Variants in SHLD1 observed in about 807,000 individuals in gnomAD.
The protein encoded by SHLD1 is shieldin complex subunit 1.
SHLD1 carries 3 observed loss-of-function variants against 5.5 expected under a neutral mutation model. The observed-to-expected ratio is 0.54, with a 90% confidence interval of 0.25 to 1.40. SHLD1 has a LOEUF of 1.40. Ranked by LOEUF, SHLD1 falls within the 40% of genes most tolerant of loss-of-function variation. The pLI is 0.15. For missense variants in SHLD1, 210 were observed against 244.4 expected (o/e 0.86, Z 0.94); for synonymous variants, 92 against 94.3 (o/e 0.98, Z 0.14).
chr20:5,760,617 C>T (rs576503950), intron 1 of SHLD1, among the ~76,000 whole-genome samples: 9 of 151,078 alleles, frequency 6.0e-5, no homozygotes, highest in South Asian at 2.1e-4. Context: ...TGCTTGAGCC[C>T]GGGAGGAGGA....
intron 2 of SHLD1, among the ~76,000 whole-genome samples, chr20:5,817,473 T>TATG (rs2087551252): frequency 6.9e-6 from 1 of 145,828 alleles, no homozygotes; most frequent in Non-Finnish European, 1.5e-5. Context: ...TGTGTGTGTG[T>TATG]TGGGATTACA....
intron 2 of SHLD1, among the ~76,000 whole-genome samples, chr20:5,797,236 C>T (rs1370963360): frequency 6.6e-6 from 1 of 152,086 alleles, no homozygotes; most frequent in Non-Finnish European, 1.5e-5. Flanking sequence ...GATTAGTATG[C>T]TTACATTTTA....
chr20:5,790,358 G>T (rs545375066), intron 2 of SHLD1, among the ~76,000 whole-genome samples: 90 of 151,724 alleles, frequency 5.9e-4, no homozygotes, highest in African/African-American at 2.1e-3. Flanking sequence ...AAACCAAACA[G>T]ATCAAAAACA....
intron 1 of SHLD1, among the ~76,000 whole-genome samples, chr20:5,767,154 A>C (rs1244176022): frequency 1.7e-5 from 2 of 118,864 alleles, no homozygotes; most frequent in Non-Finnish European, 3.8e-5. Context: ...TTTCTTTTTG[A>C]GACAGAGTCT....
intron 2 of SHLD1, among the ~76,000 whole-genome samples, chr20:5,781,821 T>C (rs1403830402): frequency 6.6e-6 from 1 of 152,168 alleles, no homozygotes; most frequent in Non-Finnish European, 1.5e-5. Context: ...ATCAAAAAGC[T>C]CCTCTGCCTT....
In SHLD1 at chr20:5,822,502, T is replaced by C. The variant is rs1568519851; in HGVS notation, c.179-40522T>C. On this transcript the variant is annotated intron_variant, in intron 2 of 2. Coordinates refer to ENST00000303142, the MANE Select transcript of SHLD1 (RefSeq NM_152504.4). ...AAAATAAATAAATGAATAAAGTGAG[T>C]GCTCAGAGCTGTGTTGCTTTGTTGT... Among the ~76,000 whole-genome samples, 7 of 146,924 alleles carry C rather than the reference T, an allele frequency of 4.8e-5. No individual in the cohort carries two copies. In the South Asian group the frequency reaches 1.6e-3, roughly 33 times the overall value.
chr20:5,754,002 C>T (rs751170809), intron 1 of SHLD1, among the ~76,000 whole-genome samples: 7 of 152,106 alleles, frequency 4.6e-5, no homozygotes, highest in Admixed American at 6.6e-5. Context: ...TGGGTATTAC[C>T]GCAGACAAAC....
intron 2 of SHLD1, among the ~76,000 whole-genome samples, chr20:5,779,972 GTTTTTTT>G (rs11381238): frequency 6.1e-5 from 5 of 81,786 alleles, no homozygotes; most frequent in African/African-American, 1.5e-4. Flanking sequence ...TACAATTTCT[GTTTTTTT>G]TTTTTTTTTT....
chr20:5,785,673 G>A (rs937822882), intron 2 of SHLD1, among the ~76,000 whole-genome samples: 2 of 151,738 alleles, frequency 1.3e-5, no homozygotes, highest in African/African-American at 4.8e-5. Context: ...GTACACGCCT[G>A]TAGTCTCAGC....
At chr20:5,862,308 G>T (rs186109986) in intron 2 of SHLD1, among the ~76,000 whole-genome samples, 1 of 152,366 alleles carries the variant, frequency 6.6e-6, no homozygotes, top group East Asian at 1.9e-4. Flanking sequence ...ACTTAAGAGT[G>T]TATGTCTGCT....
chr20:5,861,159 G>T (rs538754264), intron 2 of SHLD1, among the ~76,000 whole-genome samples: 3 of 152,198 alleles, frequency 2.0e-5, no homozygotes, highest in Non-Finnish European at 2.9e-5. Flanking sequence ...CTGGCCTTTT[G>T]TTCATCAACT....
intron 1 of SHLD1, among the ~76,000 whole-genome samples, chr20:5,750,880 C>A (rs1227255545): frequency 6.6e-6 from 1 of 152,084 alleles, no homozygotes; most frequent in African/African-American, 2.4e-5. Flanking sequence ...GCCTGTAGTT[C>A]CAGCTGCTCA....
chr20:5,797,948 TG>T (rs1262561559), intron 2 of SHLD1, among the ~76,000 whole-genome samples: 2 of 152,216 alleles, frequency 1.3e-5, no homozygotes, highest in Admixed American at 6.5e-5. Flanking sequence ...GGTTATCTCT[TG>T]CTGCCTAACT....
chr20:5,778,328 C>T (rs1171165995), intron 2 of SHLD1, among the ~76,000 whole-genome samples: 4 of 149,878 alleles, frequency 2.7e-5, no homozygotes, highest in Non-Finnish European at 5.9e-5. Context: ...GAGGTTTCAC[C>T]GTGTTAGCCA....
chr20:5,775,258 G>A (rs1985371662), intron 2 of SHLD1, among the ~76,000 whole-genome samples: 1 of 151,796 alleles, frequency 6.6e-6, no homozygotes, highest in African/African-American at 2.4e-5. Flanking sequence ...GCCCAGGCAA[G>A]TCTCGAACTC....
chr20:5,750,807 C>T (rs1983705583), intron 1 of SHLD1, among the ~76,000 whole-genome samples: 1 of 151,930 alleles, frequency 6.6e-6, no homozygotes, highest in Non-Finnish European at 1.5e-5. Flanking sequence ...TTCTATTCAC[C>T]TACTAAGTAA....
At chr20:5,793,821 C>A (rs1032947038) in intron 2 of SHLD1, among the ~76,000 whole-genome samples, 1 of 152,070 alleles carries the variant, frequency 6.6e-6, no homozygotes. Context: ...GATTCTCCTG[C>A]CTCATCCTCC....
At position 5,800,685 on chromosome 20, in the gene SHLD1, C is replaced by CA. The variant is rs11467458; in HGVS notation, c.178+27659dup. Reference sequence around the variant, plus strand: ...CCTGGGCAACAGACCGAGACTGTCTCAAAAAAAAAAAAAAAAAGAATTTAT... The same window carrying CA: ...CCTGGGCAACAGACCGAGACTGTCTCAAAAAAAAAAAAAAAAAAGAATTTAT... On this transcript the variant is annotated intron_variant, in intron 2 of 2. Transcript: ENST00000303142. 6.4e-3 allele frequency among the ~76,000 whole-genome samples: 964 copies of CA among 150,272 alleles called. 9 individuals carry two copies. The highest frequency in any genetic ancestry group is 0.022 in the African/African-American group (906 of 40,506).
In SHLD1 at chr20:5,781,509, G is replaced by A. The variant is rs375944356; in HGVS notation, c.178+8466G>A. Among the ~76,000 whole-genome samples, 11 of 152,136 alleles carry A rather than the reference G, an allele frequency of 7.2e-5. No individual in the cohort carries two copies. The East Asian group carries it at 1.4e-3, about 19-fold the overall frequency. Reference sequence around the variant, plus strand: ...TACTTTTGTCTTTAGACTGAGTCTCGCTCTGTTGTCCAGGCTGGAGTGCAA... The same window carrying A: ...TACTTTTGTCTTTAGACTGAGTCTCACTCTGTTGTCCAGGCTGGAGTGCAA... On this transcript the variant is annotated intron_variant, in intron 2 of 2. Transcript: ENST00000303142.
Sources: allele counts gnomAD v4.1 joint callset (sites outside exome capture counted in the v4.1 genomes callset), GRCh38; gene constraint gnomAD v4.1.1; transcripts MANE v1.5; gene names NCBI Gene and HGNC (gene_info 2026-07-23, HGNC 2026-07-21).